CADM2: variants seen among roughly 807,000 people sequenced by gnomAD.
The protein encoded by CADM2 is cell adhesion molecule 2.
A neutral mutation model predicts 49.8 loss-of-function variants in CADM2; 12 were observed. The observed-to-expected ratio is 0.24, with a 90% CI of 0.15 to 0.39. The LOEUF is 0.39. CADM2 is among the 10% of genes least tolerant of loss of function. CADM2 has a pLI of 1.00. For missense variants in CADM2, 378 were observed against 492.3 expected (o/e 0.77, Z 2.20); for synonymous variants, 214 against 175.4 (o/e 1.22, Z -1.74).
rs1366175272 is a variant in CADM2 at position 86,069,693 on chromosome 3, A to G, written c.*2910A>G. 6.6e-6 allele frequency: 1 copy of G among 152,054 alleles called. No homozygotes were observed. Among genetic ancestry groups the G allele is most frequent in the Admixed American group, 6.5e-5 (1 of 15,268 alleles). The allele number at this position is 152,054 out of a possible 1,614,324, so 9.4% of individuals were successfully genotyped here. A position where few individuals can be genotyped will look rare whatever the true frequency, so the allele number is the denominator to read the frequency against. ...AGTAGGTAGGGAACTCAATGGAAGC[A>G]GTGTGCACACACACACACCCTTAGT... is the stretch of plus-strand genomic sequence containing the variant. On this transcript the variant is annotated 3_prime_UTR_variant, in exon 10 of 10. Coordinates refer to ENST00000383699, the MANE Select transcript of CADM2 (RefSeq NM_001167675.2).
At chr3:86,022,046 C>G (rs904616766) in intron 8 of CADM2, among the ~76,000 whole-genome samples, 1 of 152,070 alleles carries the variant, frequency 6.6e-6, no homozygotes, top group Non-Finnish European at 1.5e-5. Context: ...ACAGTACTAT[C>G]TATATGCATT....
intron 1 of CADM2, among the ~76,000 whole-genome samples, chr3:85,103,586 T>A (rs576086436): frequency 5.3e-5 from 8 of 152,252 alleles, no homozygotes; most frequent in Middle Eastern, 3.4e-3. Context: ...AATAACCGAA[T>A]GGGAGTTCAG....
intron 1 of CADM2, among the ~76,000 whole-genome samples, chr3:85,604,185 ATATAT>A (rs1410432400): frequency 6.6e-6 from 1 of 151,892 alleles, no homozygotes; most frequent in Non-Finnish European, 1.5e-5. Flanking sequence ...AAGCTTTTAA[ATATAT>A]TATTTTATTT....
chr3:85,790,847 A>T (rs1183092835), intron 2 of CADM2, among the ~76,000 whole-genome samples: 1 of 152,038 alleles, frequency 6.6e-6, no homozygotes, highest in Non-Finnish European at 1.5e-5. Flanking sequence ...TCTCCAAAGT[A>T]CTTCCTGTCT....
chr3:85,727,260 C>A (rs910528440), intron 2 of CADM2, among the ~76,000 whole-genome samples: 1 of 151,976 alleles, frequency 6.6e-6, no homozygotes, highest in Admixed American at 6.6e-5. Flanking sequence ...TCTTAAATAG[C>A]AAAAGAAATT....
At chr3:85,416,143 A>G (rs1011230048) in intron 1 of CADM2, among the ~76,000 whole-genome samples, 4 of 152,128 alleles carry the variant, frequency 2.6e-5, no homozygotes, top group African/African-American at 4.8e-5. Flanking sequence ...ATAAAATTGT[A>G]TTCTTTTGTA....
At chr3:85,325,164 G>A (rs757124191) in intron 1 of CADM2, among the ~76,000 whole-genome samples, 10 of 152,216 alleles carry the variant, frequency 6.6e-5, no homozygotes, top group South Asian at 2.1e-4. Flanking sequence ...TAGCTCTTAC[G>A]TTGAAGAAGT....
At chr3:85,996,493 C>A (rs567985043) in intron 8 of CADM2, among the ~76,000 whole-genome samples, 4 of 151,808 alleles carry the variant, frequency 2.6e-5, no homozygotes, top group Non-Finnish European at 5.9e-5. Context: ...ACATATAATC[C>A]AATTTACTAT....
In CADM2 at chr3:85,320,805, C is replaced by G. The variant is rs112457543; in HGVS notation, c.61+361137C>G. ...GCTCATTTATTTTTAATTCATAATA[C>G]TTTCCAGGATTTTATCACATTGATT... On this transcript the variant is annotated intron_variant, in intron 1 of 9. Transcript: ENST00000383699. Among the ~76,000 whole-genome samples the G allele has an allele frequency of 3.7e-3, 566 of 151,952 alleles. 3 individuals are homozygous for G. The highest frequency in any genetic ancestry group is 0.012 in the African/African-American group (502 of 41,456).
At chr3:85,308,220 G>A (rs1450084736) in intron 1 of CADM2, among the ~76,000 whole-genome samples, 1 of 150,890 alleles carries the variant, frequency 6.6e-6, no homozygotes, top group Non-Finnish European at 1.5e-5. Context: ...TGTGGGTTTT[G>A]GAACAATCCT....
intron 8 of CADM2, among the ~76,000 whole-genome samples, chr3:86,002,095 AG>A (rs1464638788): frequency 6.6e-6 from 1 of 152,118 alleles, no homozygotes; most frequent in Non-Finnish European, 1.5e-5. Flanking sequence ...GATTCAATCC[AG>A]GGCACTTCCT....
chr3:85,476,925 CACAG>C (rs2038998926), intron 1 of CADM2, among the ~76,000 whole-genome samples: 1 of 132,692 alleles, frequency 7.5e-6, no homozygotes, highest in Admixed American at 7.9e-5. Flanking sequence ...CACACACACA[CACAG>C]ATCTATTTTC....
intron 8 of CADM2, among the ~76,000 whole-genome samples, chr3:85,990,047 A>AGAC (rs1728591850): frequency 6.8e-6 from 1 of 147,974 alleles, no homozygotes; most frequent in Non-Finnish European, 1.5e-5. Context: ...AAAAAAAAGA[A>AGAC]GACTAATAAT....
chr3:85,172,475 T>C (rs1299153083), intron 1 of CADM2, among the ~76,000 whole-genome samples: 4 of 152,208 alleles, frequency 2.6e-5, no homozygotes, highest in African/African-American at 9.6e-5. Context: ...TTGTAGAATT[T>C]CAAGAGTAGT....
At chr3:85,862,505 G>T (rs1360945823) in intron 3 of CADM2, among the ~76,000 whole-genome samples, 1 of 152,062 alleles carries the variant, frequency 6.6e-6, no homozygotes, top group East Asian at 1.9e-4. Context: ...GTGAGCAATG[G>T]TGACAATATT....
At chr3:85,727,494 G>A (rs954834751) in intron 2 of CADM2, among the ~76,000 whole-genome samples, 12 of 152,226 alleles carry the variant, frequency 7.9e-5, no homozygotes, top group South Asian at 2.1e-4. Flanking sequence ...CTTGTTTCCT[G>A]TTCCAGTAAG....
At chr3:85,650,289 T>C (rs2065006182) in intron 1 of CADM2, among the ~76,000 whole-genome samples, 1 of 152,162 alleles carries the variant, frequency 6.6e-6, no homozygotes, top group African/African-American at 2.4e-5. Context: ...GTGACAAATG[T>C]TGTGAGTAGA....
At chr3:85,515,637 T>A (rs1367423434) in intron 1 of CADM2, among the ~76,000 whole-genome samples, 9 of 132,796 alleles carry the variant, frequency 6.8e-5, no homozygotes, top group East Asian at 2.3e-4. Flanking sequence ...ATATATTTTT[T>A]TTTTTTGTAT....
At chr3:85,961,068 TATATAA>T (rs1425959666) in intron 7 of CADM2, among the ~76,000 whole-genome samples, 1 of 147,374 alleles carries the variant, frequency 6.8e-6, no homozygotes, top group Non-Finnish European at 1.5e-5. Flanking sequence ...TATATATTTA[TATATAA>T]ATATAAATAT....
Sources: allele counts gnomAD v4.1 joint callset (sites outside exome capture counted in the v4.1 genomes callset), GRCh38; gene constraint gnomAD v4.1.1; transcripts MANE v1.5; gene names NCBI Gene and HGNC (gene_info 2026-07-23, HGNC 2026-07-21).